LARP1B: variants seen among roughly 807,000 people sequenced by gnomAD.
LARP1B encodes the protein la-related protein 1B.
LARP1B carries 76 observed loss-of-function variants against 114.2 expected under a neutral mutation model. The ratio of observed to expected loss-of-function variants is 0.67; its 90% CI spans 0.55 to 0.81. The LOEUF (loss-of-function observed/expected upper bound fraction) is 0.81, where lower values mean the gene tolerates loss of function less well. Among genes scored for constraint, LARP1B ranks in the 30% least tolerant of loss-of-function variants. The probability of loss-of-function intolerance (pLI) is 0.00; values close to 1 mark genes in which losing one functional copy is unlikely to be tolerated. For missense variants in LARP1B, 1,014 were observed against 1,075.8 expected (o/e 0.94, Z 0.80); for synonymous variants, 345 against 348.0 (o/e 0.99, Z 0.10).
chr4:128,131,421 G>C (rs1041286867), intron 11 of LARP1B, among the ~76,000 whole-genome samples: 1 of 152,060 alleles, frequency 6.6e-6, no homozygotes, highest in African/African-American at 2.4e-5. Flanking sequence ...TTACCAGTCT[G>C]TGTGTGTTGA....
intron 12 of LARP1B, among the ~76,000 whole-genome samples, chr4:128,163,227 G>C (rs79283614): frequency 0.018 from 2,732 of 152,114 alleles, 65 homozygotes; most frequent in East Asian, 0.11. Context: ...TGGGTTGTTT[G>C]TCTTGTAGAA....
chr4:128,066,658 A>G (rs1763024951), intron 1 of LARP1B, among the ~76,000 whole-genome samples: 1 of 151,470 alleles, frequency 6.6e-6, no homozygotes, highest in Admixed American at 6.6e-5. Flanking sequence ...TTATATTTTT[A>G]GTACAGGCAG....
chr4:128,161,762 G>C (rs914400101), intron 11 of LARP1B, among the ~76,000 whole-genome samples: 2 of 152,010 alleles, frequency 1.3e-5, no homozygotes, highest in African/African-American at 4.8e-5. Context: ...CCTGATGATC[G>C]TAATTCTTAC....
At chr4:128,179,118 T>C (rs1010532376) in intron 14 of LARP1B, among the ~76,000 whole-genome samples, 1 of 152,052 alleles carries the variant, frequency 6.6e-6, no homozygotes, top group African/African-American at 2.4e-5. Context: ...ACAAAAACCT[T>C]TTTTACAATT....
chr4:128,095,995 T>TC (rs1181371700), intron 7 of LARP1B, among the ~76,000 whole-genome samples: 2 of 148,452 alleles, frequency 1.3e-5, no homozygotes, highest in Non-Finnish European at 3.0e-5. Context: ...GGCTATAATT[T>TC]TTTTTTTTTT....
intron 11 of LARP1B, among the ~76,000 whole-genome samples, chr4:128,157,998 C>T (rs1023551333): frequency 5.3e-5 from 8 of 152,034 alleles, no homozygotes; most frequent in Non-Finnish European, 1.0e-4. Flanking sequence ...TGGCAATAAA[C>T]ACAACAACGC....
At chr4:128,103,561 CTTTTT>C (rs1049704607) in intron 8 of LARP1B, among the ~76,000 whole-genome samples, 72 of 131,868 alleles carry the variant, frequency 5.5e-4, no homozygotes, top group African/African-American at 2.0e-3. Flanking sequence ...GCCCCTTCCT[CTTTTT>C]TTTTTTTTTT....
chr4:128,065,291 TTCTTTCTTTCTTTCTTTCTTTCTTTCTC>T (rs1440617937), intron 1 of LARP1B, among the ~76,000 whole-genome samples: 134 of 136,544 alleles, frequency 9.8e-4, no homozygotes, highest in Middle Eastern at 3.6e-3. Flanking sequence ...CTTTCTTTCT[TTCTTTCTTTCTTTCTTTCTTTCTTTCTC>T]TCTCTCTCTC....
chr4:128,161,207 G>A (rs1482420492), intron 11 of LARP1B, among the ~76,000 whole-genome samples: 1 of 152,042 alleles, frequency 6.6e-6, no homozygotes, highest in East Asian at 1.9e-4. Flanking sequence ...GGTTCACCTG[G>A]GTGAACCATA....
intron 12 of LARP1B, among the ~76,000 whole-genome samples, chr4:128,173,656 G>C (rs897757019): frequency 6.6e-6 from 1 of 152,148 alleles, no homozygotes; most frequent in African/African-American, 2.4e-5. Flanking sequence ...CACCTGGAAA[G>C]CTTGTTGAAA....
At chr4:128,163,412 G>T (rs915383392) in intron 12 of LARP1B, among the ~76,000 whole-genome samples, 2 of 152,072 alleles carry the variant, frequency 1.3e-5, no homozygotes, top group Non-Finnish European at 2.9e-5. Flanking sequence ...GATACATAAT[G>T]CTCTATTGTC....
intron 11 of LARP1B, among the ~76,000 whole-genome samples, chr4:128,156,790 G>T (rs1210921009): frequency 1.3e-5 from 2 of 148,262 alleles, no homozygotes; most frequent in African/African-American, 5.0e-5. Context: ...CACAGTGAGA[G>T]CAGCTGCTAT....
chr4:128,176,268 TATG>T (rs1294550943), intron 12 of LARP1B, among the ~76,000 whole-genome samples: 7 of 114,346 alleles, frequency 6.1e-5, no homozygotes, highest in Non-Finnish European at 1.2e-4. Flanking sequence ...TATATACACA[TATG>T]TGTGTGTGTG....
chr4:128,063,092 G>A (rs1760916368), intron 1 of LARP1B, among the ~76,000 whole-genome samples: 2 of 152,132 alleles, frequency 1.3e-5, no homozygotes, highest in African/African-American at 4.8e-5. Flanking sequence ...ATGCTGTATG[G>A]CCGTCGGTGC....
chr4:128,091,498 T>C lies in LARP1B; in HGVS notation c.654T>C (p.Tyr218=), dbSNP rs1199410632. 1 of 1,602,568 alleles carries C rather than the reference T, an allele frequency of 6.2e-7. No individual in the cohort carries two copies. Among genetic ancestry groups the C allele is most frequent in the Non-Finnish European group, 8.5e-7 (1 of 1,175,968 alleles). ...TGGAAGAAGCATTGCTTAAAGAGTA[T>C]ATTAAGCGTCAAATGTAAGTGGATG... is the stretch of plus-strand genomic sequence containing the variant. The part of the protein sequence containing the change: ...YPVEEALLKE[Y]IKRQIEYYFS... The change falls in exon 7 of 20, where the codon TAT becomes TAC. Residue 218 remains tyrosine (Y), a synonymous_variant. Coordinates refer to ENST00000326639, the MANE Select transcript of LARP1B (RefSeq NM_018078.4).
At chr4:128,152,650 C>A (rs1484467634) in intron 11 of LARP1B, among the ~76,000 whole-genome samples, 1 of 150,112 alleles carries the variant, frequency 6.7e-6, no homozygotes, top group East Asian at 1.9e-4. Flanking sequence ...GAAGAACTTT[C>A]CTCTCCACTT....
Position 128,178,436 on chromosome 4 carries a change from A to T in LARP1B, c.1690A>T (p.Thr564Ser), listed in dbSNP as rs768684022. Residue 564 changes from threonine to serine, a missense_variant, in exon 14 of 20, where the codon ACT (threonine) becomes TCT (serine). Thr to Ser is a moderately conservative substitution (Grantham distance 58, BLOSUM62 1). Transcript: ENST00000326639. ...AAGAGTTTTTTATTTTGCAGATTTG[A>T]CTGATGAATTAGCTCAGAAGTTATT... ...GVLHIPKKDL[T>S]DELAQKLFDV... 4.4e-6 allele frequency: 7 copies of T among 1,608,600 alleles called. No individual in the cohort carries two copies. In the African/African-American group the frequency reaches 8.0e-5, roughly 18 times the overall value.
At chr4:128,087,947 TAA>T (rs1436250326) in intron 5 of LARP1B, among the ~76,000 whole-genome samples, 4 of 152,150 alleles carry the variant, frequency 2.6e-5, no homozygotes, top group Non-Finnish European at 5.9e-5. Context: ...GTTTTTATTC[TAA>T]AAGTAATGGA....
chr4:128,123,026 A>T (rs1038937810), intron 11 of LARP1B: 23 of 985,224 alleles, frequency 2.3e-5, no homozygotes, highest in Non-Finnish European at 2.7e-5. Context: ...CAAATAGGAA[A>T]CTGATCTTGG....
Sources: allele counts gnomAD v4.1 joint callset (sites outside exome capture counted in the v4.1 genomes callset), GRCh38; gene constraint gnomAD v4.1.1; transcripts MANE v1.5; gene names NCBI Gene and HGNC (gene_info 2026-07-23, HGNC 2026-07-21).